The following CDH4 variants were observed in gnomAD, a reference collection of about 807,000 sequenced individuals.
CDH4 encodes the protein cadherin 4.
CDH4 carries 33 observed loss-of-function variants against 86.0 expected under a neutral mutation model. The observed-to-expected ratio is 0.38, with a 90% CI of 0.29 to 0.51. CDH4 has a LOEUF of 0.51. CDH4 is among the 20% of genes least tolerant of loss of function. The pLI is 0.86. For synonymous variants in CDH4, 555 were observed against 549.4 expected, an observed-to-expected ratio of 1.01 and a Z score of -0.14; for missense variants, 1,114 against 1,307.4, an observed-to-expected ratio of 0.85 and a Z score of 2.28.
At chr20:61,356,470 A>G (rs1209805103) in intron 2 of CDH4, among the ~76,000 whole-genome samples, 5 of 152,174 alleles carry the variant, frequency 3.3e-5, no homozygotes, top group African/African-American at 1.2e-4. Flanking sequence ...GAGAAACACC[A>G]TGCCTCTTGC....
intron 2 of CDH4, among the ~76,000 whole-genome samples, chr20:61,400,131 A>G (rs561085710): frequency 6.6e-6 from 1 of 152,220 alleles, no homozygotes; most frequent in East Asian, 1.9e-4. Flanking sequence ...CTTCAATCTG[A>G]CTGTCACAGC....
intron 4 of CDH4, among the ~76,000 whole-genome samples, chr20:61,796,205 G>A (rs1001079975): frequency 7.2e-5 from 11 of 152,152 alleles, no homozygotes; most frequent in East Asian, 1.9e-4. Context: ...TACTCCTATC[G>A]TTTTACTGAG....
chr20:61,400,314 T>C (rs1401654614), intron 2 of CDH4, among the ~76,000 whole-genome samples: 2 of 152,186 alleles, frequency 1.3e-5, no homozygotes, highest in Non-Finnish European at 2.9e-5. Flanking sequence ...TTATAGTTAT[T>C]GGAAACTGAA....
intron 6 of CDH4, among the ~76,000 whole-genome samples, chr20:61,870,645 G>A (rs1394742059): frequency 1.3e-5 from 2 of 152,180 alleles, no homozygotes; most frequent in African/African-American, 4.8e-5. Flanking sequence ...GGGTGGAGGG[G>A]AACAGTGAGT....
At chr20:61,511,492 T>A (rs1462896721) in intron 2 of CDH4, among the ~76,000 whole-genome samples, 1 of 152,264 alleles carries the variant, frequency 6.6e-6, no homozygotes, top group East Asian at 1.9e-4. Flanking sequence ...GACTCAGAGA[T>A]GCCCTCTCTG....
intron 2 of CDH4, among the ~76,000 whole-genome samples, chr20:61,351,468 G>C (rs866845599): frequency 6.6e-6 from 1 of 152,122 alleles, no homozygotes; most frequent in Non-Finnish European, 1.5e-5. Context: ...TGATACCAAG[G>C]GACAGCTGTA....
At position 61,386,720 on chromosome 20, in the gene CDH4, A is replaced by C. The variant is rs570226090; in HGVS notation, c.169+131783A>C. Among the ~76,000 whole-genome samples the C allele has an allele frequency of 5.3e-4, 80 of 152,334 alleles. 4 individuals carry two copies. The South Asian group carries it at 0.017, about 32-fold the overall frequency. On this transcript the variant is annotated intron_variant, in intron 2 of 15. Transcript: ENST00000614565. Reference sequence around the variant, plus strand: ...TTGTTTCAGGGTTAAGCAGGAGAGTATTGCCAAGCACTCATCACTGTGCCT... The same window carrying C: ...TTGTTTCAGGGTTAAGCAGGAGAGTCTTGCCAAGCACTCATCACTGTGCCT...
At chr20:61,614,868 G>A (rs2145764718) in intron 2 of CDH4, among the ~76,000 whole-genome samples, 1 of 152,204 alleles carries the variant, frequency 6.6e-6, no homozygotes, top group East Asian at 1.9e-4. Context: ...CAGTGGGACA[G>A]CCTCCCAGCA....
intron 4 of CDH4, among the ~76,000 whole-genome samples, chr20:61,819,849 T>A (rs1253576616): frequency 6.6e-6 from 1 of 152,170 alleles, no homozygotes; most frequent in Admixed American, 6.5e-5. Flanking sequence ...GGTGGTTATT[T>A]AGCTGTTATT....
intron 4 of CDH4, among the ~76,000 whole-genome samples, chr20:61,774,462 C>T (rs373628829): frequency 6.6e-6 from 1 of 152,204 alleles, no homozygotes; most frequent in Non-Finnish European, 1.5e-5. Flanking sequence ...TTTCTTGCAT[C>T]CGGCCATTGC....
chr20:61,438,186 T>G (rs907976652), intron 2 of CDH4, among the ~76,000 whole-genome samples: 1 of 152,218 alleles, frequency 6.6e-6, no homozygotes, highest in Admixed American at 6.5e-5. Context: ...GGGTCAAATT[T>G]TTCCAGTGAT....
chr20:61,596,143 G>A (rs1353303284), intron 2 of CDH4, among the ~76,000 whole-genome samples: 1 of 152,228 alleles, frequency 6.6e-6, no homozygotes, highest in Non-Finnish European at 1.5e-5. Flanking sequence ...CATGGGAATG[G>A]CATTCAGTGC....
rs1475057346 is a variant in CDH4 at position 61,565,227 on chromosome 20, GTGGTGGTGGTGGTGGCGGTGCTCT to G, written c.170-178330_170-178307del. 9.1e-4 allele frequency among the ~76,000 whole-genome samples: 38 copies of G among 41,756 alleles called. 5 individuals carry two copies. The highest frequency in any genetic ancestry group is 0.017 in the Middle Eastern group (1 of 60). The allele number at this position is 41,756 out of a possible 152,430, so 27.4% of individuals were successfully genotyped here. Reference sequence around the variant, plus strand: ...GTCGCGGTGCTCTCGGTGGTAGGTGGTGGTGGTGGTGGTGGCGGTGCTCTTGGTGATGGTGGTGGTGGTCCTCTT... The same window carrying G: ...GTCGCGGTGCTCTCGGTGGTAGGTGGTGGTGATGGTGGTGGTGGTCCTCTT... On this transcript the variant is annotated intron_variant, in intron 2 of 15. Transcript: ENST00000614565.
At position 61,480,353 on chromosome 20, in the gene CDH4, T is replaced by C. The variant is rs1189943765; in HGVS notation, c.169+225416T>C. On this transcript the variant is annotated intron_variant, in intron 2 of 15. Transcript: ENST00000614565. This position sits in a 1 kb window ranked among gnomAD's most constrained non-coding sequence, Gnocchi z 5.2. Reference sequence around the variant, plus strand: ...GCCCTGTGCCACTGCCTCAGCACCATTGTCTGTCTATTTTGTTTGGGTTTC... The same window carrying C: ...GCCCTGTGCCACTGCCTCAGCACCACTGTCTGTCTATTTTGTTTGGGTTTC... 1.3e-5 allele frequency among the ~76,000 whole-genome samples: 2 copies of C among 152,074 alleles called. No individual in the cohort carries two copies. Among genetic ancestry groups the C allele is most frequent in the Non-Finnish European group, 2.9e-5 (2 of 67,992 alleles).
intron 2 of CDH4, among the ~76,000 whole-genome samples, chr20:61,291,317 C>A (rs532188620): frequency 1.3e-5 from 2 of 152,188 alleles, no homozygotes; most frequent in Admixed American, 6.5e-5. Context: ...ATCACCCCGG[C>A]GGGTCCCATA....
At chr20:61,842,707 T>TATC (rs11472509) in intron 4 of CDH4, among the ~76,000 whole-genome samples, 73,796 of 151,760 alleles carry the variant, frequency 0.49, 18,866 homozygotes, top group Non-Finnish European at 0.58. Context: ...CTCTGGAATC[T>TATC]GTTACCCCTA....
At chr20:61,387,677 A>G (rs1019650826) in intron 2 of CDH4, among the ~76,000 whole-genome samples, 1 of 152,232 alleles carries the variant, frequency 6.6e-6, no homozygotes, top group Non-Finnish European at 1.5e-5. Context: ...GTGCTCAGGT[A>G]CGTAATTAAT....
At chr20:61,539,266 A>G (rs892403202) in intron 2 of CDH4, among the ~76,000 whole-genome samples, 1 of 152,180 alleles carries the variant, frequency 6.6e-6, no homozygotes, top group Non-Finnish European at 1.5e-5. Context: ...TACTTCTTGC[A>G]TGGGCCGTGT....
At chr20:61,521,116 TCTG>T (rs2085865963) in intron 2 of CDH4, among the ~76,000 whole-genome samples, 1 of 152,202 alleles carries the variant, frequency 6.6e-6, no homozygotes, top group African/African-American at 2.4e-5. Flanking sequence ...AGAAAGGACT[TCTG>T]CTTCCCTCTT....
Sources: gnomAD v4.1 joint callset for allele counts (sites outside exome capture counted in the v4.1 genomes callset) on GRCh38, gnomAD v4.1.1 for gene constraint, Gnocchi (gnomAD v3.1) non-coding constraint, MANE v1.5 for transcripts, NCBI Gene and HGNC (gene_info 2026-07-23, HGNC 2026-07-21) for gene names.